SAXO1: variants seen among roughly 807,000 people sequenced by gnomAD.
SAXO1 encodes 4930500O09Rik.
In SAXO1, 21 loss-of-function variants were observed where a neutral mutation model predicts 17.5. The ratio of observed to expected loss-of-function variants is 1.20; its 90% CI spans 0.85 to 1.72. The LOEUF is 1.72. SAXO1 is among the 40% of genes most tolerant of loss of function. The pLI is 0.00. For synonymous variants in SAXO1, 274 were observed against 216.5 expected, an observed-to-expected ratio of 1.27 and a Z score of -2.33; for missense variants, 843 against 596.0, an observed-to-expected ratio of 1.41 and a Z score of -4.32.
chr9:19,041,433 T>C (rs1054534591), intron 1 of SAXO1, among the ~76,000 whole-genome samples: 1 of 152,008 alleles, frequency 6.6e-6, no homozygotes, highest in African/African-American at 2.4e-5. Context: ...TGCGCAGAAA[T>C]AGAAAAAACA....
intron 1 of SAXO1, among the ~76,000 whole-genome samples, chr9:18,956,495 A>C (rs1832264047): frequency 6.6e-6 from 1 of 152,152 alleles, no homozygotes. Flanking sequence ...TGCTGAGCCT[A>C]GCCTCATGTG....
intron 1 of SAXO1, among the ~76,000 whole-genome samples, chr9:19,009,908 C>T (rs1201765474): frequency 6.6e-6 from 1 of 151,472 alleles, no homozygotes. Context: ...CTCACTGCAA[C>T]CTCCGCCTCC....
intron 1 of SAXO1, among the ~76,000 whole-genome samples, chr9:18,983,770 G>A (rs1176973040): frequency 6.6e-6 from 1 of 152,082 alleles, no homozygotes; most frequent in Non-Finnish European, 1.5e-5. Context: ...TCCTGTTAAT[G>A]TTGATATTTT....
At chr9:19,009,483 C>G (rs893861291) in intron 1 of SAXO1, among the ~76,000 whole-genome samples, 7 of 152,044 alleles carry the variant, frequency 4.6e-5, no homozygotes, top group Admixed American at 4.6e-4. Context: ...AGTTATAAGA[C>G]GTGGCAAAAA....
At chr9:18,954,828 A>G (rs540077551) in intron 1 of SAXO1, among the ~76,000 whole-genome samples, 1 of 152,208 alleles carries the variant, frequency 6.6e-6, no homozygotes, top group Non-Finnish European at 1.5e-5. Flanking sequence ...CAAGTCATCT[A>G]TGACTCTCAG....
intron 1 of SAXO1, among the ~76,000 whole-genome samples, chr9:19,044,490 TG>T (rs1210069178): frequency 1.3e-5 from 2 of 151,962 alleles, no homozygotes; most frequent in Non-Finnish European, 2.9e-5. Flanking sequence ...GAACAAAAAA[TG>T]GGGTAAGAGA....
intron 3 of SAXO1, among the ~76,000 whole-genome samples, chr9:18,939,752 T>C (rs534768314): frequency 6.6e-6 from 1 of 152,330 alleles, no homozygotes; most frequent in South Asian, 2.1e-4. Flanking sequence ...AATAGGATCA[T>C]ATGATTTGAT....
At chr9:18,975,981 C>G (rs571666755) in intron 1 of SAXO1, among the ~76,000 whole-genome samples, 33 of 152,320 alleles carry the variant, frequency 2.2e-4, no homozygotes, top group African/African-American at 7.9e-4. Flanking sequence ...CTCGGCACTA[C>G]TAGACTACTT....
intron 2 of SAXO1, among the ~76,000 whole-genome samples, chr9:18,942,088 C>G (rs930151215): frequency 6.0e-5 from 7 of 116,376 alleles, no homozygotes; most frequent in Middle Eastern, 3.6e-3. Context: ...AGTCTATCAC[C>G]ACCAGTGCCC....
At chr9:18,954,922 A>G (rs1164836266) in intron 1 of SAXO1, among the ~76,000 whole-genome samples, 1 of 151,846 alleles carries the variant, frequency 6.6e-6, no homozygotes, top group Non-Finnish European at 1.5e-5. Context: ...AAAAAGTTAA[A>G]AAAAAAAAAC....
chr9:18,933,792 A>G (rs1410995046), intron 3 of SAXO1, among the ~76,000 whole-genome samples: 1 of 152,236 alleles, frequency 6.6e-6, no homozygotes. Flanking sequence ...CACGCCTGTA[A>G]TCCCAGCACT....
At chr9:18,990,834 G>T (rs1160972779) in intron 1 of SAXO1, among the ~76,000 whole-genome samples, 15 of 152,190 alleles carry the variant, frequency 9.9e-5, no homozygotes, top group African/African-American at 2.7e-4. Context: ...GCCTGATGAT[G>T]TGTCACTGTC....
At chr9:18,965,199 G>C (rs563396244) in intron 1 of SAXO1, among the ~76,000 whole-genome samples, 2 of 152,332 alleles carry the variant, frequency 1.3e-5, no homozygotes, top group African/African-American at 4.8e-5. Flanking sequence ...TTTAGAATAA[G>C]TGTGATGTGG....
intron 1 of SAXO1, among the ~76,000 whole-genome samples, chr9:19,022,080 G>A (rs2131020952): frequency 6.6e-6 from 1 of 152,344 alleles, no homozygotes; most frequent in South Asian, 2.1e-4. Flanking sequence ...ATCTTTATGA[G>A]CTGTAACACT....
At chr9:18,971,997 G>C (rs954966133) in intron 1 of SAXO1, among the ~76,000 whole-genome samples, 9 of 152,132 alleles carry the variant, frequency 5.9e-5, no homozygotes, top group African/African-American at 2.2e-4. Context: ...AAGATTTCTA[G>C]TATAAAGAAC....
intron 1 of SAXO1, among the ~76,000 whole-genome samples, chr9:18,987,229 G>A (rs1833628327): frequency 6.6e-6 from 1 of 152,128 alleles, no homozygotes; most frequent in South Asian, 2.1e-4. Flanking sequence ...GAAGAACTGG[G>A]AAACTTCAGA....
At chr9:19,009,940 C>T (rs1834654456) in intron 1 of SAXO1, among the ~76,000 whole-genome samples, 1 of 151,828 alleles carries the variant, frequency 6.6e-6, no homozygotes, top group Non-Finnish European at 1.5e-5. Flanking sequence ...TATCTTTCCA[C>T]CTCAGCTTCC....
At chr9:19,024,621 G>GAGCC (rs1835398337) in intron 1 of SAXO1, among the ~76,000 whole-genome samples, 1 of 152,002 alleles carries the variant, frequency 6.6e-6, no homozygotes, top group South Asian at 2.1e-4. Flanking sequence ...AAAAGTGGCA[G>GAGCC]AGCCAGCATT....
At chr9:19,019,828 C>A (rs547092794) in intron 1 of SAXO1, among the ~76,000 whole-genome samples, 1 of 152,144 alleles carries the variant, frequency 6.6e-6, no homozygotes, top group Non-Finnish European at 1.5e-5. Flanking sequence ...TCCACTTTCA[C>A]GCAATGACCA....
Sources: allele counts gnomAD v4.1 joint callset (sites outside exome capture counted in the v4.1 genomes callset), GRCh38; gene constraint gnomAD v4.1.1; transcripts MANE v1.5; gene names NCBI Gene and HGNC (gene_info 2026-07-23, HGNC 2026-07-21).